HEATR5B: variants seen among roughly 807,000 people sequenced by gnomAD.
The protein encoded by HEATR5B is HEAT repeat containing 5B, also known as HEAT repeat-containing protein 5B.
Under a neutral mutation model 224.1 loss-of-function variants are expected in HEATR5B, and 156 were observed. That is an observed-to-expected ratio of 0.70 (90% CI 0.61 to 0.80). The LOEUF (loss-of-function observed/expected upper bound fraction) is 0.80, where lower values mean the gene tolerates loss of function less well. Among genes scored for constraint, HEATR5B ranks in the 30% least tolerant of loss-of-function variants. The pLI, the probability that HEATR5B is intolerant of heterozygous loss-of-function variation, is 0.00. For missense variants in HEATR5B, 2,323 were observed against 2,535.5 expected, an observed-to-expected ratio of 0.92 and a Z score of 1.80; for synonymous variants, 1,027 against 893.0, an observed-to-expected ratio of 1.15 and a Z score of -2.68.
chr2:37,073,580 A>C (rs1451558529), intron 5 of HEATR5B, among the ~76,000 whole-genome samples: 1 of 152,176 alleles, frequency 6.6e-6, no homozygotes, highest in Non-Finnish European at 1.5e-5. Flanking sequence ...GATTTTAGTC[A>C]TATTTCCCCA....
chr2:37,035,333 C>T (rs747134081), intron 21 of HEATR5B, among the ~76,000 whole-genome samples: 1 of 152,134 alleles, frequency 6.6e-6, no homozygotes, highest in Non-Finnish European at 1.5e-5. Context: ...ATCCTATCCA[C>T]CCTGAACTGT....
chr2:36,983,955 T>A (rs561803006), intron 35 of HEATR5B, among the ~76,000 whole-genome samples: 6 of 151,042 alleles, frequency 4.0e-5, no homozygotes, highest in Non-Finnish European at 8.8e-5. Flanking sequence ...TCTCAGCACT[T>A]TGGGAGGCTG....
At chr2:37,063,934 C>A (rs916017447) in intron 10 of HEATR5B, among the ~76,000 whole-genome samples, 1 of 152,160 alleles carries the variant, frequency 6.6e-6, no homozygotes, top group Non-Finnish European at 1.5e-5. Flanking sequence ...GCCTCAGCCT[C>A]CCAAGTAGCT....
At chr2:37,079,594 G>A (rs1672431930) in intron 2 of HEATR5B, among the ~76,000 whole-genome samples, 1 of 152,092 alleles carries the variant, frequency 6.6e-6, no homozygotes, top group Non-Finnish European at 1.5e-5. Flanking sequence ...AAAAAGTTAT[G>A]AGACCAACTT....
chr2:37,080,776 TAA>T (rs34270307), intron 2 of HEATR5B, among the ~76,000 whole-genome samples: 25 of 142,190 alleles, frequency 1.8e-4, no homozygotes, highest in African/African-American at 5.4e-4. Context: ...ATGTACAGAT[TAA>T]AAAAAAAAAA....
chr2:37,028,916 G>A lies in HEATR5B; in HGVS notation c.3366C>T (p.Val1122=). The change falls in exon 23 of 36, where the codon GTC becomes GTT. Residue 1122 remains valine, a synonymous_variant. Transcript: ENST00000233099. ...TGDKESSSAN[V]SPFAPGVSSR... is the part of the protein sequence containing the mutation. ...AACTAACCCCAGGGGCAAAAGGACT[G>A]ACATCTGAAAGGTAATTTTTACAAA... 6.2e-7 allele frequency: 1 copy of A among 1,613,366 alleles called. No individual in the cohort carries two copies. The highest frequency in any genetic ancestry group is 8.5e-7 in the Non-Finnish European group (1 of 1,179,478).
chr2:37,083,194 T>A lies in HEATR5B; in HGVS notation c.126+95A>T, dbSNP rs1039262965. On this transcript the variant is annotated intron_variant, in intron 2 of 35. Transcript: ENST00000233099. The stretch of plus-strand genomic sequence containing the variant: ...ACTCTCAAGTTCCATAAGTGACCCA[T>A]AAACCTTCCAAAACATAACATGTGT... The A allele has an allele frequency of 3.5e-6, 5 of 1,437,400 alleles. No homozygotes were observed. The East Asian group carries it at 9.2e-5, about 26-fold the overall frequency. 89.0% of individuals were successfully genotyped at this position (1,437,400 alleles called of 1,614,324 possible).
chr2:37,065,324 C>CAT (rs1558367610), intron 9 of HEATR5B, among the ~76,000 whole-genome samples: 1 of 146,034 alleles, frequency 6.8e-6, no homozygotes, highest in Non-Finnish European at 1.5e-5. Flanking sequence ...TACAAGGAAA[C>CAT]TTTTTTTTTT....
At chr2:37,002,878 C>A (rs1012835632) in intron 31 of HEATR5B, among the ~76,000 whole-genome samples, 3 of 152,008 alleles carry the variant, frequency 2.0e-5, no homozygotes, top group Non-Finnish European at 4.4e-5. Context: ...GAAAAATAGT[C>A]GACTCTCAGC....
intron 26 of HEATR5B, among the ~76,000 whole-genome samples, chr2:37,019,158 T>G (rs1366738725): frequency 6.7e-6 from 1 of 150,024 alleles, no homozygotes; most frequent in Non-Finnish European, 1.5e-5. Flanking sequence ...AGACTCAGTC[T>G]CCAAAAAAAA....
At chr2:37,068,274 T>G (rs1190298373) in intron 8 of HEATR5B, among the ~76,000 whole-genome samples, 3 of 152,202 alleles carry the variant, frequency 2.0e-5, no homozygotes, top group Non-Finnish European at 1.5e-5. Flanking sequence ...TAACCATCTG[T>G]AATTGTTCCT....
At chr2:37,076,452 C>T (rs1672236708) in intron 4 of HEATR5B, among the ~76,000 whole-genome samples, 1 of 152,054 alleles carries the variant, frequency 6.6e-6, no homozygotes, top group African/African-American at 2.4e-5. Flanking sequence ...AGATTTCCAG[C>T]AACCACTAGA....
At chr2:36,986,527 T>A (rs914688460) in intron 35 of HEATR5B, among the ~76,000 whole-genome samples, 1 of 152,202 alleles carries the variant, frequency 6.6e-6, no homozygotes, top group Non-Finnish European at 1.5e-5. Flanking sequence ...CTGTGAAATG[T>A]TTTTAAGAGA....
At chr2:37,033,202 T>A (rs1204266030) in intron 21 of HEATR5B, among the ~76,000 whole-genome samples, 2 of 152,154 alleles carry the variant, frequency 1.3e-5, no homozygotes, top group African/African-American at 4.8e-5. Context: ...ATTAACATCT[T>A]ACTTCTGAAG....
rs60636196 is a variant in HEATR5B at position 36,984,215 on chromosome 2, AAT to A, written c.5912-2423_5912-2422del. ...AACTCTGTCTCAAAAAAAAAAAAAA[AAT>A]ATATATATATATATATATATAAAAC... On this transcript the variant is annotated intron_variant, in intron 35 of 35. Coordinates refer to ENST00000233099, the MANE Select transcript of HEATR5B (RefSeq NM_019024.3). 2.4e-3 allele frequency among the ~76,000 whole-genome samples: 187 copies of A among 77,502 alleles called. 1 individual carries two copies. The highest frequency in any genetic ancestry group is 0.014 in the Middle Eastern group (2 of 138). The allele number at this position is 77,502 out of a possible 152,430, so 50.8% of individuals were successfully genotyped here.
chr2:37,037,302 C>T (rs1213207161), intron 21 of HEATR5B, among the ~76,000 whole-genome samples: 4 of 151,244 alleles, frequency 2.6e-5, no homozygotes, highest in African/African-American at 4.9e-5. Context: ...CACGCCACCA[C>T]GCCCGGCTAA....
Position 37,079,242 on chromosome 2 carries a change from T to G in HEATR5B, c.216A>C (p.Leu72Phe). 1 of 1,610,798 alleles carries G rather than the reference T, an allele frequency of 6.2e-7. No individual in the cohort carries two copies. Among genetic ancestry groups the G allele is most frequent in the Admixed American group, 1.7e-5 (1 of 60,010 alleles). The part of the protein sequence containing the change: ...SSPGPPTRKL[L>F]AKNLAALYSI... ...TATAAAGGGCTGCGAGATTTTTAGC[T>G]AATAATTTTCGTGTAGGTGGTCCAG... The change falls in exon 3 of 36, where the codon TTA (leucine) becomes TTC (phenylalanine). Residue 72 changes from leucine to phenylalanine, a missense_variant. Physicochemically the swap from Leu to Phe is conservative, Grantham distance 22. This residue lies in a region of HEATR5B where 292 missense variants were observed against 332.6 expected (regional missense o/e 0.88). Transcript: ENST00000233099.
At chr2:37,043,746 T>A (rs1405611984) in intron 18 of HEATR5B, among the ~76,000 whole-genome samples, 1 of 152,240 alleles carries the variant, frequency 6.6e-6, no homozygotes, top group African/African-American at 2.4e-5. Context: ...CTTACAAAAG[T>A]GTCTTGAACC....
intron 29 of HEATR5B, 74 bp downstream of exon 29, chr2:37,006,976 T>C: frequency 2.0e-6 from 3 of 1,466,512 alleles, no homozygotes; most frequent in East Asian, 2.3e-5. Flanking sequence ...ACAAAATCTT[T>C]CCATAGCTTT....
Sources: allele counts gnomAD v4.1 joint callset (sites outside exome capture counted in the v4.1 genomes callset), GRCh38; gene constraint gnomAD v4.1.1; regional missense constraint gnomAD v4.1.1; transcripts MANE v1.5; gene names NCBI Gene and HGNC (gene_info 2026-07-23, HGNC 2026-07-21).